CADPS2: variants seen among roughly 807,000 people sequenced by gnomAD.
CADPS2 encodes the protein calcium dependent secretion activator 2, also known as calcium-dependent secretion activator 2.
CADPS2 carries 93 observed loss-of-function variants against 172.5 expected under a neutral mutation model. That is an observed-to-expected ratio of 0.54 (90% CI 0.46 to 0.64). The LOEUF (loss-of-function observed/expected upper bound fraction) is 0.64, where lower values mean the gene tolerates loss of function less well. CADPS2 is among the 30% of genes least tolerant of loss of function. The pLI, the probability that CADPS2 is intolerant of heterozygous loss-of-function variation, is 0.00. For missense variants in CADPS2, 1,420 were observed against 1,565.9 expected, an observed-to-expected ratio of 0.91 and a Z score of 1.57; for synonymous variants, 546 against 555.2, an observed-to-expected ratio of 0.98 and a Z score of 0.23.
chr7:122,724,620 T>A (rs1370417172), intron 2 of CADPS2, among the ~76,000 whole-genome samples: 2 of 152,066 alleles, frequency 1.3e-5, no homozygotes, highest in Non-Finnish European at 2.9e-5. Flanking sequence ...GCAAGTACAT[T>A]ATTATCTCCA....
intron 12 of CADPS2, 27 bp downstream of exon 12, chr7:122,480,824 TA>T: frequency 6.8e-7 from 1 of 1,473,026 alleles, no homozygotes; most frequent in Non-Finnish European, 9.1e-7. Flanking sequence ...TTAAAACATC[TA>T]ATTTTAAAAA....
At chr7:122,324,811 G>C (rs949971468) in intron 29 of CADPS2, among the ~76,000 whole-genome samples, 1 of 152,032 alleles carries the variant, frequency 6.6e-6, no homozygotes, top group Non-Finnish European at 1.5e-5. Context: ...ACTTACATTA[G>C]AATTTACAAA....
At chr7:122,771,802 G>C (rs1009933087) in intron 1 of CADPS2, among the ~76,000 whole-genome samples, 2 of 152,180 alleles carry the variant, frequency 1.3e-5, no homozygotes, top group Admixed American at 6.5e-5. Context: ...GGCTAAAAAA[G>C]AGAAACTGTG....
intron 1 of CADPS2, among the ~76,000 whole-genome samples, chr7:122,839,896 G>C (rs1563148829): frequency 6.6e-6 from 1 of 152,170 alleles, no homozygotes; most frequent in Non-Finnish European, 1.5e-5. Flanking sequence ...TCTAAAACTA[G>C]AAATACCATT....
At chr7:122,450,835 G>A (rs1160709376) in intron 15 of CADPS2, among the ~76,000 whole-genome samples, 1 of 152,084 alleles carries the variant, frequency 6.6e-6, no homozygotes, top group Non-Finnish European at 1.5e-5. Context: ...GTGACTGGCT[G>A]ATAGCTAATT....
chr7:122,864,870 C>A (rs1817883349), intron 1 of CADPS2, among the ~76,000 whole-genome samples: 1 of 152,122 alleles, frequency 6.6e-6, no homozygotes, highest in Admixed American at 6.5e-5. Context: ...GACATTCCAG[C>A]CAGTAAGAAG....
intron 2 of CADPS2, among the ~76,000 whole-genome samples, chr7:122,708,629 G>T (rs2088066637): frequency 6.8e-6 from 1 of 147,100 alleles, no homozygotes; most frequent in South Asian, 2.1e-4. Context: ...TTAATACAAA[G>T]ATAAATGAGC....
chr7:122,453,635 A>G (rs2053405611), intron 14 of CADPS2, among the ~76,000 whole-genome samples: 1 of 152,220 alleles, frequency 6.6e-6, no homozygotes, highest in South Asian at 2.1e-4. Context: ...CTGATTTGAC[A>G]TAATCTTTTG....
At chr7:122,768,862 A>T (rs927274379) in intron 1 of CADPS2, among the ~76,000 whole-genome samples, 124 of 152,320 alleles carry the variant, frequency 8.1e-4, no homozygotes, top group African/African-American at 3.0e-3. Flanking sequence ...GAAAACACAA[A>T]TGAAGAATGA....
At chr7:122,729,312 AGT>A (rs2091419463) in intron 2 of CADPS2, among the ~76,000 whole-genome samples, 2 of 151,892 alleles carry the variant, frequency 1.3e-5, no homozygotes, top group Non-Finnish European at 1.5e-5. Flanking sequence ...TATTGGGAAT[AGT>A]GCCACAATAA....
At chr7:122,348,861 A>G (rs2038098576) in intron 27 of CADPS2, among the ~76,000 whole-genome samples, 1 of 152,164 alleles carries the variant, frequency 6.6e-6, no homozygotes, top group African/African-American at 2.4e-5. Flanking sequence ...GCTGAAAAAG[A>G]TGTAATTTTC....
In CADPS2 at chr7:122,663,314, C is replaced by G. The variant is rs1213159765; in HGVS notation, c.709G>C (p.Glu237Gln). 3 of 1,613,774 alleles carry G rather than the reference C, an allele frequency of 1.9e-6. No individual in the cohort carries two copies. The highest frequency in any genetic ancestry group is 2.5e-6 in the Non-Finnish European group (3 of 1,179,874). Residue 237 changes from glutamate to glutamine, a missense_variant, in exon 3 of 30, where the codon GAA becomes CAA. Physicochemically the swap from Glu to Gln is conservative, Grantham distance 29 (BLOSUM62 2). Coordinates refer to ENST00000449022, the MANE Select transcript of CADPS2 (RefSeq NM_017954.11). ...SAVSELILSK[E>Q]QLYEMFQQIL... ...TGCTGAAACATTTCATAGAGTTGTT[C>G]CTTGCTCAGAATAAGTTCAGACACT...
At chr7:122,702,257 T>G in intron 2 of CADPS2, 1 of 1,613,822 alleles carries the variant, frequency 6.2e-7, no homozygotes, top group South Asian at 1.1e-5. Context: ...CTGAATCGAG[T>G]GCAAAATTTC....
intron 8 of CADPS2, among the ~76,000 whole-genome samples, chr7:122,527,617 A>ATAGAGTGTGTGT (rs1554597292): frequency 4.8e-5 from 4 of 83,886 alleles, no homozygotes; most frequent in African/African-American, 1.6e-4. Flanking sequence ...AGAGAGAGAG[A>ATAGAGTGTGTGT]GTGTGTGTGT....
chr7:122,383,945 A>C (rs1004111098), intron 24 of CADPS2, among the ~76,000 whole-genome samples: 2 of 152,088 alleles, frequency 1.3e-5, no homozygotes, highest in African/African-American at 2.4e-5. Flanking sequence ...TTTCACCTTC[A>C]TCCTCAACTA....
intron 8 of CADPS2, among the ~76,000 whole-genome samples, chr7:122,527,781 G>C (rs2061395612): frequency 6.6e-6 from 1 of 151,996 alleles, no homozygotes; most frequent in Admixed American, 6.6e-5. Context: ...TGACAGGCTT[G>C]TGCAGAATGA....
intron 17 of CADPS2, chr7:122,420,948 C>T (rs1040148653): frequency 6.6e-6 from 1 of 152,116 alleles, no homozygotes; most frequent in East Asian, 1.9e-4. Flanking sequence ...AAAGACAGCT[C>T]GACTGTTTGC....
chr7:122,810,669 A>T (rs1365751637), intron 1 of CADPS2, among the ~76,000 whole-genome samples: 1 of 152,158 alleles, frequency 6.6e-6, no homozygotes, highest in Non-Finnish European at 1.5e-5. Flanking sequence ...TCTGGGGCTC[A>T]GGAATTTGCT....
chr7:122,593,469 G>A (rs1401818487), intron 6 of CADPS2, among the ~76,000 whole-genome samples: 1 of 151,954 alleles, frequency 6.6e-6, no homozygotes, highest in Admixed American at 6.6e-5. Flanking sequence ...CCCGGGGCGA[G>A]CAACTTTACC....
Sources: gnomAD v4.1 joint callset for allele counts (sites outside exome capture counted in the v4.1 genomes callset) on GRCh38, gnomAD v4.1.1 for gene constraint, MANE v1.5 for transcripts, NCBI Gene and HGNC (gene_info 2026-07-23, HGNC 2026-07-21) for gene names.